Variants in CEP63 observed in about 807,000 individuals in gnomAD.
CEP63 encodes centrosomal protein 63, also known as centrosomal protein of 63 kDa.
A neutral mutation model predicts 89.1 loss-of-function variants in CEP63; 84 were observed. The ratio of observed to expected loss-of-function variants is 0.94; its 90% CI spans 0.79 to 1.13. The LOEUF is 1.13. Ranked by LOEUF, CEP63 falls within the 50% of genes most tolerant of loss-of-function variation. The probability of loss-of-function intolerance (pLI) is 0.00; values close to 1 mark genes in which losing one functional copy is unlikely to be tolerated. For synonymous variants in CEP63, 267 were observed against 272.5 expected (o/e 0.98, Z 0.20); for missense variants, 838 against 813.3 (o/e 1.03, Z -0.37).
At position 134,545,625 on chromosome 3, in the gene CEP63, G is replaced by A. The variant is rs549064639; in HGVS notation, c.595G>A (p.Glu199Lys). Residue 199 changes from glutamate to lysine, a missense_variant, in exon 7 of 15, where the codon GAA becomes AAA. Glu to Lys is a moderately conservative substitution (Grantham distance 56). Transcript: ENST00000675561. Reference sequence around the variant, plus strand: ...TCGGAAACAGAAATTAGAGTCTGTGGAACTTTCTAGCCAATCAGAAATTCA... The same window carrying A: ...TCGGAAACAGAAATTAGAGTCTGTGAAACTTTCTAGCCAATCAGAAATTCA... ...VNRKQKLESV[E>K]LSSQSEIQHL... is the part of the protein sequence containing the mutation. 3.7e-6 allele frequency: 6 copies of A among 1,614,084 alleles called. No individual in the cohort carries two copies. The Admixed American group carries it at 1.0e-4, about 27-fold the overall frequency.
chr3:134,526,896 C>T (rs918874820), intron 3 of CEP63, among the ~76,000 whole-genome samples: 1 of 148,238 alleles, frequency 6.7e-6, no homozygotes, highest in African/African-American at 2.5e-5. Flanking sequence ...CCCCCAACTC[C>T]TAGACTGTGT....
the CEP63 span, among the ~76,000 whole-genome samples, chr3:134,753,031 G>GC: frequency 2.2e-4 from 33 of 152,276 alleles, no homozygotes; most frequent in South Asian, 5.6e-3. Flanking sequence ...CACGAAGTGG[G>GC]CACGAAGGTC....
At chr3:134,700,425 T>C in the CEP63 span, among the ~76,000 whole-genome samples, 5 of 152,180 alleles carry the variant, frequency 3.3e-5, no homozygotes, top group African/African-American at 1.2e-4. Flanking sequence ...AATAGTCCTA[T>C]AAGGCTTATA....
At chr3:134,608,126 G>A in the CEP63 span, 29 of 1,130,848 alleles carry the variant, frequency 2.6e-5, 1 homozygote, top group Middle Eastern at 2.4e-3. Flanking sequence ...TTGCTGGTTG[G>A]ACCACCAACA....
intron 13 of CEP63, 53 bp downstream of exon 13, chr3:134,558,400 C>A: frequency 1.7e-6 from 2 of 1,186,024 alleles, no homozygotes; most frequent in Non-Finnish European, 2.5e-6. Flanking sequence ...ATATAATTCT[C>A]ATTTCTTTGA....
chr3:134,602,759 G>A, the CEP63 span, among the ~76,000 whole-genome samples: 1 of 152,170 alleles, frequency 6.6e-6, no homozygotes, highest in African/African-American at 2.4e-5. Context: ...CCTGCCCTGT[G>A]TACTCCTCTC....
chr3:134,640,623 T>C, the CEP63 span, among the ~76,000 whole-genome samples: 1 of 152,154 alleles, frequency 6.6e-6, no homozygotes, highest in Admixed American at 6.5e-5. Flanking sequence ...AATAAGAAAG[T>C]GGCACATGGA....
chr3:134,533,366 A>C (rs1030627206), intron 5 of CEP63, among the ~76,000 whole-genome samples: 2 of 152,188 alleles, frequency 1.3e-5, no homozygotes, highest in African/African-American at 4.8e-5. Context: ...ATTGTATCTC[A>C]AGCACCTAAT....
At position 134,492,070 on chromosome 3, in the gene CEP63, C is replaced by CTTTT. The variant is rs74269453; in HGVS notation, c.-25-3208_-25-3205dup. ...TATTATAAGACATTCTATTTGTATTCTTTTTTTTTTTTTTTTTTTTTGAGA... is the reference window on the plus strand; with the variant it reads ...TATTATAAGACATTCTATTTGTATTCTTTTTTTTTTTTTTTTTTTTTTTTTGAGA... On this transcript the variant is annotated intron_variant, in intron 1 of 14. Transcript: ENST00000675561. Among the ~76,000 whole-genome samples, 130 of 103,618 alleles carry CTTTT rather than the reference C, an allele frequency of 1.3e-3. 1 individual carries two copies. Among genetic ancestry groups the CTTTT allele is most frequent in the Middle Eastern group, 0.012 (2 of 166 alleles). The allele number at this position is 103,618 out of a possible 152,430, so 68.0% of individuals were successfully genotyped here. A position where few individuals can be genotyped will look rare whatever the true frequency, so the allele number is the denominator to read the frequency against.
intron 3 of CEP63, among the ~76,000 whole-genome samples, chr3:134,510,278 A>G (rs1944527676): frequency 6.6e-6 from 1 of 152,214 alleles, no homozygotes; most frequent in South Asian, 2.1e-4. Context: ...TTTTCTATGT[A>G]TTAACTAGAA....
At chr3:134,663,054 A>G in the CEP63 span, among the ~76,000 whole-genome samples, 1 of 152,128 alleles carries the variant, frequency 6.6e-6, no homozygotes, top group Non-Finnish European at 1.5e-5. Context: ...ATGGGGATGG[A>G]GGTAGAGCAG....
At chr3:134,644,968 G>A in the CEP63 span, among the ~76,000 whole-genome samples, 4 of 152,260 alleles carry the variant, frequency 2.6e-5, no homozygotes, top group Admixed American at 2.0e-4. Context: ...GGGAGGCCAG[G>A]ACCGCCTTCT....
At chr3:134,619,037 A>G in the CEP63 span, 3 of 836,618 alleles carry the variant, frequency 3.6e-6, no homozygotes, top group Non-Finnish European at 6.1e-6. Flanking sequence ...TCCAGAGCAG[A>G]GTTTGTAAAC....
chr3:134,631,956 AT>A, the CEP63 span, among the ~76,000 whole-genome samples: 1 of 152,144 alleles, frequency 6.6e-6, no homozygotes, highest in Non-Finnish European at 1.5e-5. Flanking sequence ...TTTAACTACT[AT>A]GATATAGGTT....
the CEP63 span, among the ~76,000 whole-genome samples, chr3:134,765,256 C>T: frequency 0.13 from 19,641 of 152,262 alleles, 1,390 homozygotes; most frequent in Middle Eastern, 0.18. Context: ...TGATCAAATT[C>T]ATGTTGTTCA....
rs1464049852 is a variant in CEP63, at chr3:134,495,359, T to C, written c.39T>C (p.His13=). The change falls in exon 2 of 15, where the codon CAT becomes CAC. Residue 13 remains histidine, a synonymous_variant. Transcript: ENST00000675561. The stretch of plus-strand genomic sequence containing the variant: ...TAGAAGGAATACAAAATCGAGGGCA[T>C]GGTGGGTAAGTTTGCTTTTTTTAAA... ...ALLEGIQNRG[H]GGGFLTSCEA... is the part of the protein sequence containing the mutation. 1 of 1,612,230 alleles carries C rather than the reference T, an allele frequency of 6.2e-7. No homozygotes were observed. The highest frequency in any genetic ancestry group is 1.1e-5 in the South Asian group (1 of 90,946).
chr3:134,576,354 G>A (rs911795108), downstream of CEP63, among the ~76,000 whole-genome samples: 14 of 152,220 alleles, frequency 9.2e-5, no homozygotes, highest in South Asian at 2.1e-4. Flanking sequence ...CATCTTAGAA[G>A]ACTGAGTTCC....
At chr3:134,652,724 T>C in the CEP63 span, among the ~76,000 whole-genome samples, 1 of 152,122 alleles carries the variant, frequency 6.6e-6, no homozygotes, top group East Asian at 1.9e-4. Flanking sequence ...GTAAGAACTA[T>C]GCATTATGCA....
intron 2 of CEP63, 98 bp downstream of exon 2, chr3:134,495,462 A>G (rs1939498081): frequency 1.0e-5 from 8 of 799,792 alleles, no homozygotes; most frequent in Non-Finnish European, 6.6e-6. Flanking sequence ...ATAATGTGTA[A>G]TGATCAAATA....
Sources: gnomAD v4.1 joint callset for allele counts (sites outside exome capture counted in the v4.1 genomes callset) on GRCh38, gnomAD v4.1.1 for gene constraint, MANE v1.5 for transcripts, NCBI Gene and HGNC (gene_info 2026-07-23, HGNC 2026-07-21) for gene names.